Variants in MUCL3 observed in about 807,000 individuals in gnomAD.
MUCL3 encodes the protein mucin like 3.
MUCL3 carries 42 observed loss-of-function variants against 70.2 expected under a neutral mutation model. That is an observed-to-expected ratio of 0.60 (90% CI 0.47 to 0.77). The LOEUF is 0.77. MUCL3 is among the 30% of genes least tolerant of loss of function. The pLI is 0.00. For missense variants in MUCL3, 1,429 were observed against 1,670.0 expected, an observed-to-expected ratio of 0.86 and a Z score of 2.52; for synonymous variants, 522 against 647.0, an observed-to-expected ratio of 0.81 and a Z score of 2.93.
chr6:30,944,513 C>A (rs1355187385), intron 1 of MUCL3, among the ~76,000 whole-genome samples: 1 of 152,208 alleles, frequency 6.6e-6, no homozygotes, highest in East Asian at 1.9e-4. Context: ...AACTCCTGAC[C>A]TCAGGCCCAC....
In MUCL3 at chr6:30,952,021, A is replaced by C; in HGVS notation, c.3557A>C (p.Lys1186Thr). 2.5e-6 allele frequency: 4 copies of C among 1,612,712 alleles called. No homozygotes were observed. The highest frequency in any genetic ancestry group is 3.4e-6 in the Non-Finnish European group (4 of 1,179,874). Reference protein sequence around the residue: ...TTEKTTRTPEKPTLYSEKTIC... With the variant: ...TTEKTTRTPETPTLYSEKTIC... Reference sequence around the variant, plus strand: ...GAGAAAACCACAAGAACCCCAGAAAAGCCTACGCTATACTCAGAGAAGACC... The same window carrying C: ...GAGAAAACCACAAGAACCCCAGAAACGCCTACGCTATACTCAGAGAAGACC... The change falls in exon 2 of 3, where the codon AAG (lysine) becomes ACG (threonine). Residue 1186 changes from lysine (K) to threonine (T), a missense_variant. By Grantham distance (78) the Lys-to-Thr change is moderately conservative (BLOSUM62 -1). Transcript: ENST00000462446.
At position 30,948,891 on chromosome 6, in the gene MUCL3, G is replaced by A; in HGVS notation, c.427G>A (p.Ala143Thr). The A allele has an allele frequency of 6.4e-7, 1 of 1,551,114 alleles. No homozygotes were observed. ...MIRNQRSVDPADSTTTHKESA... is the reference protein window; with the variant it reads ...MIRNQRSVDPTDSTTTHKESA... Reference sequence around the variant, plus strand: ...CCGGAACCAGCGCTCTGTTGATCCTGCTGACTCCACTACCACACATAAAGA... The same window carrying A: ...CCGGAACCAGCGCTCTGTTGATCCTACTGACTCCACTACCACACATAAAGA... Residue 143 changes from alanine to threonine, a missense_variant, in exon 2 of 3, where the codon GCT becomes ACT. By Grantham distance (58) the Ala-to-Thr change is moderately conservative (BLOSUM62 0). Transcript: ENST00000462446.
In MUCL3 at chr6:30,948,540, T is replaced by A; in HGVS notation, c.83-7T>A. The A allele has an allele frequency of 6.6e-7, 1 of 1,515,644 alleles. No homozygotes were observed. Among genetic ancestry groups the A allele is most frequent in the Non-Finnish European group, 8.8e-7 (1 of 1,132,354 alleles). The allele number at this position is 1,515,644 out of a possible 1,614,324, so 93.9% of individuals were successfully genotyped here. A position where few individuals can be genotyped will look rare whatever the true frequency, so the allele number is the denominator to read the frequency against. On this transcript the variant is annotated splice_polypyrimidine_tract_variant and splice_region_variant and intron_variant, in intron 1 of 2. Transcript: ENST00000462446. The stretch of plus-strand genomic sequence containing the variant: ...GAAGTTTCTTATTTGCCTCTCTCCC[T>A]CCACAGGTGCTACTACATTCCAAGA...
At chr6:30,944,248 T>TTTTCTTTCCC (rs1377676176) in intron 1 of MUCL3, among the ~76,000 whole-genome samples, 2 of 151,922 alleles carry the variant, frequency 1.3e-5, no homozygotes, top group Non-Finnish European at 2.9e-5. Context: ...CTTTTCTTCC[T>TTTTCTTTCCC]TTTCTTTCCC....
chr6:30,952,485 G>A lies in MUCL3; in HGVS notation c.4021G>A (p.Gly1341Ser). 6.2e-7 allele frequency: 1 copy of A among 1,600,410 alleles called. No homozygotes were observed. The highest frequency in any genetic ancestry group is 1.7e-5 in the Admixed American group (1 of 57,770). Reference protein sequence around the residue: ...VAVILLLVFLGLIFLVSYMMR... With the variant: ...VAVILLLVFLSLIFLVSYMMR... ...TGTGATTCTCCTCCTGGTGTTCCTTGGCCTGATCTTCTTGGTAAGGGACAG... is the reference window on the plus strand; with the variant it reads ...TGTGATTCTCCTCCTGGTGTTCCTTAGCCTGATCTTCTTGGTAAGGGACAG... The change falls in exon 2 of 3, where the codon GGC becomes AGC. Residue 1341 changes from glycine (G) to serine (S), a missense_variant. Transcript: ENST00000462446.
chr6:30,953,050 A>C lies in MUCL3; in HGVS notation c.4115A>C (p.Asn1372Thr), dbSNP rs762167491. 1.2e-6 allele frequency: 2 copies of C among 1,614,246 alleles called. No individual in the cohort carries two copies. The change falls in exon 3 of 3, where the codon AAT (asparagine) becomes ACT (threonine). Residue 1372 changes from asparagine to threonine, a missense_variant. Physicochemically the swap from Asn to Thr is moderately conservative, Grantham distance 65 (BLOSUM62 0). Coordinates refer to ENST00000462446, the MANE Select transcript of MUCL3 (RefSeq NM_080870.4). ...YNDAEDEGGP[N>T]SYPVYLMEQQ... ...GATGCAGAGGATGAGGGTGGCCCCA[A>C]TTCCTACCCGGTCTACCTGATGGAG...
At chr6:30,944,138 C>T (rs892836804) in intron 1 of MUCL3, among the ~76,000 whole-genome samples, 2 of 152,154 alleles carry the variant, frequency 1.3e-5, no homozygotes, top group Admixed American at 6.5e-5. Context: ...GACAGCGTGC[C>T]CTGACAGCGA....
rs1333754098 is a variant in MUCL3, at chr6:30,950,230, T to C, written c.1766T>C (p.Phe589Ser). 1 of 1,544,792 alleles carries C rather than the reference T, an allele frequency of 6.5e-7. No individual in the cohort carries two copies. Among genetic ancestry groups the C allele is most frequent in the South Asian group, 1.2e-5 (1 of 83,850 alleles). Residue 589 changes from phenylalanine (F) to serine (S), a missense_variant, in exon 2 of 3, where the codon TTT (phenylalanine) becomes TCT (serine). Transcript: ENST00000462446. ...EPTENGQRTP[F>S]ANEKTTSSSA... ...ACAGAAAATGGACAAAGGACCCCAT[T>C]TGCCAATGAGAAGACCACATCATCC...
At position 30,950,009 on chromosome 6, in the gene MUCL3, C is replaced by G. The variant is rs1344343543; in HGVS notation, c.1545C>G (p.Ser515=). 6.5e-7 allele frequency: 1 copy of G among 1,543,910 alleles called. No homozygotes were observed. Among genetic ancestry groups the G allele is most frequent in the Non-Finnish European group, 8.7e-7 (1 of 1,145,372 alleles). Residue 515 remains serine (S), a synonymous_variant, in exon 2 of 3, where the codon TCC becomes TCG. Transcript: ENST00000462446. The part of the protein sequence containing the change: ...TPFANEKTTS[S]SAEPTEHGER... ...TTGCCAATGAGAAAACCACATCATC[C>G]TCAGCAGAGCCTACAGAACACGGAG...
intron 1 of MUCL3, 97 bp from the exon 2 acceptor site, chr6:30,948,450 C>G: frequency 2.1e-6 from 2 of 959,520 alleles, no homozygotes; most frequent in East Asian, 5.3e-5. Context: ...GGAGTCATAT[C>G]AGGGGGAACA....
chr6:30,945,009 A>T (rs1327034244), intron 1 of MUCL3, among the ~76,000 whole-genome samples: 1 of 152,160 alleles, frequency 6.6e-6, no homozygotes, highest in Non-Finnish European at 1.5e-5. Flanking sequence ...TTGTTATCTG[A>T]GTCTAGTTAT....
In MUCL3 at chr6:30,950,825, C is replaced by T. The variant is rs1216273997; in HGVS notation, c.2361C>T (p.Thr787=). 4 of 1,545,236 alleles carry T rather than the reference C, an allele frequency of 2.6e-6. No homozygotes were observed. The African/African-American group carries it at 5.7e-5, about 22-fold the overall frequency. Residue 787 remains threonine (T), a synonymous_variant, in exon 2 of 3, where the codon ACC becomes ACT. Coordinates refer to ENST00000462446, the MANE Select transcript of MUCL3 (RefSeq NM_080870.4). ...AGCCTACAGAAAATGGAAAAAGGAC[C>T]CCATTTGCCAATGAGAAGACCACAT... is the stretch of plus-strand genomic sequence containing the variant. ...LAEPTENGKR[T]PFANEKTTSS...
chr6:30,952,947 C>T, intron 2 of MUCL3, 24 bp from the exon 3 acceptor site: 8 of 1,612,504 alleles, frequency 5.0e-6, no homozygotes, highest in East Asian at 2.2e-5. Flanking sequence ...GGTTCTCATT[C>T]CTCCTTTCTC....
At chr6:30,944,855 G>A (rs562741003) in intron 1 of MUCL3, among the ~76,000 whole-genome samples, 1 of 152,324 alleles carries the variant, frequency 6.6e-6, no homozygotes, top group East Asian at 1.9e-4. Context: ...ATCGTCTGGG[G>A]CAGAGATGCT....
chr6:30,943,267 A>G (rs1795651723), intron 1 of MUCL3, among the ~76,000 whole-genome samples: 2 of 152,246 alleles, frequency 1.3e-5, no homozygotes. Context: ...TCTAGATTAA[A>G]TCATCCGAGG....
rs990217085 is a variant in MUCL3, at chr6:30,950,894, G to A, written c.2430G>A (p.Leu810=). The change falls in exon 2 of 3, where the codon CTG becomes CTA. Residue 810 remains leucine, a synonymous_variant. Coordinates refer to ENST00000462446, the MANE Select transcript of MUCL3 (RefSeq NM_080870.4). The part of the protein sequence containing the change: ...EPTEHAERTP[L]ANENTTSSPA... ...CAGAACACGCAGAAAGGACTCCACT[G>A]GCCAATGAGAACACCACATCATCCC... 4 of 1,540,798 alleles carry A rather than the reference G, an allele frequency of 2.6e-6. No homozygotes were observed. The highest frequency in any genetic ancestry group is 1.7e-4 in the Middle Eastern group (1 of 5,906).
rs960171892 is a variant in MUCL3, at chr6:30,949,663, C to T, written c.1199C>T (p.Thr400Ile). Residue 400 changes from threonine (T) to isoleucine (I), a missense_variant, in exon 2 of 3, where the codon ACA becomes ATA. Thr to Ile is a moderately conservative substitution (Grantham distance 89). Transcript: ENST00000462446. ...ACTACACCATCCCCAGCAGAGCCTA[C>T]AGAACATGGAGAAAGGACCCCATTT... ...ENTTPSPAEP[T>I]EHGERTPFAN... is the part of the protein sequence containing the mutation. 6.5e-7 allele frequency: 1 copy of T among 1,548,170 alleles called. No homozygotes were observed. The highest frequency in any genetic ancestry group is 1.4e-5 in the African/African-American group (1 of 72,558).
At position 30,948,828 on chromosome 6, in the gene MUCL3, G is replaced by A; in HGVS notation, c.364G>A (p.Glu122Lys). Residue 122 changes from glutamate to lysine, a missense_variant, in exon 2 of 3, where the codon GAA becomes AAA. Coordinates refer to ENST00000462446, the MANE Select transcript of MUCL3 (RefSeq NM_080870.4). ...TAATCATGAGGCTCCTCCCACTTCT[G>A]AAGAAAACTCCAGCAACCAAGGGAA... ...TDNHEAPPTS[E>K]ENSSNQGKDP... 1 of 1,551,592 alleles carries A rather than the reference G, an allele frequency of 6.4e-7. No individual in the cohort carries two copies. The highest frequency in any genetic ancestry group is 1.7e-4 in the Middle Eastern group (1 of 5,992).
chr6:30,942,343 G>A (rs1056227474), intron 1 of MUCL3, among the ~76,000 whole-genome samples: 1 of 152,206 alleles, frequency 6.6e-6, no homozygotes, highest in African/African-American at 2.4e-5. Context: ...GGGCGGTGTG[G>A]AGGGCCTGGG....
Sources: allele counts gnomAD v4.1 joint callset (sites outside exome capture counted in the v4.1 genomes callset), GRCh38; gene constraint gnomAD v4.1.1; transcripts MANE v1.5; gene names NCBI Gene and HGNC (gene_info 2026-07-23, HGNC 2026-07-21).